The following PKHD1 variants were observed in gnomAD, a reference collection of about 807,000 sequenced individuals.
The protein encoded by PKHD1 is PKHD1 ciliary IPT domain containing fibrocystin/polyductin, also known as fibrocystin.
In PKHD1, 291 loss-of-function variants were observed where a neutral mutation model predicts 412.0. The observed-to-expected ratio is 0.71, with a 90% CI of 0.64 to 0.78. The LOEUF is 0.78. PKHD1 is among the 30% of genes least tolerant of loss of function. The pLI, the probability that PKHD1 is intolerant of heterozygous loss-of-function variation, is 0.00. For missense variants in PKHD1, 4,825 were observed against 4,950.7 expected (o/e 0.97, Z 0.76); for synonymous variants, 1,777 against 1,821.5 (o/e 0.98, Z 0.62).
intron 60 of PKHD1, among the ~76,000 whole-genome samples, chr6:51,717,520 T>C (rs549197815): frequency 1.3e-5 from 2 of 152,188 alleles, no homozygotes; most frequent in African/African-American, 4.8e-5. Context: ...TAAACAAATA[T>C]CATTGTGTTA....
At chr6:51,654,554 G>A (rs73738148) in intron 61 of PKHD1, among the ~76,000 whole-genome samples, 543 of 151,876 alleles carry the variant, frequency 3.6e-3, no homozygotes, top group African/African-American at 0.012. Flanking sequence ...AGTTAGTGTC[G>A]TCTGATTTTG....
intron 60 of PKHD1, among the ~76,000 whole-genome samples, chr6:51,738,031 C>T (rs563047323): frequency 1.5e-4 from 23 of 152,288 alleles, no homozygotes; most frequent in Admixed American, 1.2e-3. Context: ...ACTCAACAGA[C>T]ATAAAATTAC....
chr6:51,902,832 G>A (rs893927812), intron 43 of PKHD1, among the ~76,000 whole-genome samples: 2 of 152,128 alleles, frequency 1.3e-5, no homozygotes, highest in East Asian at 1.9e-4. Flanking sequence ...TGTGCCAAGG[G>A]AAACCAATGT....
At chr6:51,719,275 C>G (rs985094542) in intron 60 of PKHD1, among the ~76,000 whole-genome samples, 2 of 151,986 alleles carry the variant, frequency 1.3e-5, no homozygotes, top group Non-Finnish European at 2.9e-5. Flanking sequence ...GTGGCACAAT[C>G]ACGGCTCACT....
At chr6:51,682,164 C>G (rs1776763123) in intron 60 of PKHD1, 1 of 450,196 alleles carries the variant, frequency 2.2e-6, no homozygotes, top group Admixed American at 2.4e-5. Context: ...GCATCTTTTC[C>G]TCCGAACATA....
chr6:52,042,638 A>G (rs1805093139), intron 27 of PKHD1, among the ~76,000 whole-genome samples: 1 of 152,202 alleles, frequency 6.6e-6, no homozygotes, highest in Non-Finnish European at 1.5e-5. Flanking sequence ...GTAGGACCCA[A>G]TTATGCCTGA....
At chr6:51,650,729 TCC>T (rs1770811478) in intron 61 of PKHD1, among the ~76,000 whole-genome samples, 1 of 152,112 alleles carries the variant, frequency 6.6e-6, no homozygotes, top group African/African-American at 2.4e-5. Context: ...AAACATGTGG[TCC>T]TAAGAAGCTC....
chr6:52,034,761 A>G lies in PKHD1; in HGVS notation c.3228+830T>C, dbSNP rs186335562. Among the ~76,000 whole-genome samples the G allele has an allele frequency of 2.3e-4, 35 of 152,360 alleles. No homozygotes were observed. The East Asian group carries it at 6.7e-3, about 29-fold the overall frequency. On this transcript the variant is annotated intron_variant, in intron 28 of 66. Coordinates refer to ENST00000371117, the MANE Select transcript of PKHD1 (RefSeq NM_138694.4). Reference sequence around the variant, plus strand: ...TTATCTAAGTGTCTGGTAATAAGGAATAGTTAAACAAATTAGAGTACAACC... The same window carrying G: ...TTATCTAAGTGTCTGGTAATAAGGAGTAGTTAAACAAATTAGAGTACAACC...
At chr6:51,852,383 T>C (rs1313250274) in intron 49 of PKHD1, among the ~76,000 whole-genome samples, 1 of 152,162 alleles carries the variant, frequency 6.6e-6, no homozygotes, top group East Asian at 1.9e-4. Context: ...TTCTGTTGAT[T>C]TGGGATAGAG....
Position 51,659,295 on chromosome 6 carries a change from T to C in PKHD1, c.10831A>G (p.Ile3611Val). ...MPGHEETLKA[I>V]ADSRAKRKRN... ...TTTCTTTTTGCTCTACTGTCAGCAA[T>C]GGCCTTTAAGGTCTCTTCATGGCCA... Residue 3611 changes from isoleucine (I) to valine (V), a missense_variant, in exon 61 of 67, where the codon ATT becomes GTT. Coordinates refer to ENST00000371117, the MANE Select transcript of PKHD1 (RefSeq NM_138694.4). 6.2e-7 allele frequency: 1 copy of C among 1,613,884 alleles called. No homozygotes were observed.
intron 36 of PKHD1, among the ~76,000 whole-genome samples, chr6:51,956,588 T>A (rs1791181916): frequency 6.6e-6 from 1 of 152,022 alleles, no homozygotes; most frequent in Admixed American, 6.6e-5. Flanking sequence ...GGAGACAGAC[T>A]ATAAACAAGC....
At chr6:51,896,417 A>G (rs1471473653) in intron 43 of PKHD1, among the ~76,000 whole-genome samples, 1 of 152,192 alleles carries the variant, frequency 6.6e-6, no homozygotes. Context: ...GACACCTCAC[A>G]CGGCAGGGTA....
At chr6:51,748,702 T>C (rs1785588236) in intron 57 of PKHD1, 37 bp from the exon 58 acceptor site, 3 of 1,600,524 alleles carry the variant, frequency 1.9e-6, no homozygotes, top group South Asian at 1.1e-5. Flanking sequence ...ACTTTCCTCT[T>C]CCCCACAAAA....
rs538674336 is a variant in PKHD1 at position 51,898,822 on chromosome 6, G to A, written c.6996+4775C>T. ...GAATCAAATAGACGCAATAAAAAATGATAAAGGGGATATCACCACCGATCC... is the reference window on the plus strand; with the variant it reads ...GAATCAAATAGACGCAATAAAAAATAATAAAGGGGATATCACCACCGATCC... On this transcript the variant is annotated intron_variant, in intron 43 of 66. Transcript: ENST00000371117. Among the ~76,000 whole-genome samples the A allele has an allele frequency of 2.8e-3, 429 of 151,244 alleles. 2 individuals carry two copies. The highest frequency in any genetic ancestry group is 7.7e-3 in the South Asian group (36 of 4,696).
chr6:51,941,839 T>A (rs1225315502), intron 36 of PKHD1, among the ~76,000 whole-genome samples: 1 of 151,538 alleles, frequency 6.6e-6, no homozygotes, highest in Non-Finnish European at 1.5e-5. Flanking sequence ...CTGACACCCA[T>A]CAGGCTCAGC....
intron 36 of PKHD1, among the ~76,000 whole-genome samples, chr6:51,944,593 C>T (rs1156682296): frequency 1.3e-5 from 2 of 152,170 alleles, no homozygotes; most frequent in East Asian, 3.9e-4. Context: ...ATGATTTCAT[C>T]CCCAACAAAT....
intron 36 of PKHD1, among the ~76,000 whole-genome samples, chr6:51,957,083 C>T (rs1235395546): frequency 6.6e-6 from 1 of 152,062 alleles, no homozygotes; most frequent in Non-Finnish European, 1.5e-5. Flanking sequence ...TTTCCTGTCA[C>T]AAAAAGTTAT....
At chr6:51,814,622 A>G (rs1258554199) in intron 52 of PKHD1, among the ~76,000 whole-genome samples, 1 of 152,100 alleles carries the variant, frequency 6.6e-6, no homozygotes, top group East Asian at 1.9e-4. Flanking sequence ...GTAAATCCCC[A>G]GAGAGCTCTA....
chr6:51,768,234 A>C lies in PKHD1; in HGVS notation c.8642+4468T>G, dbSNP rs374802159. The stretch of plus-strand genomic sequence containing the variant: ...GATATTAGCCCTTTGTCAGATGAGT[A>C]ATGTTTGGCTATTTTCAAGTGTTTA... On this transcript the variant is annotated intron_variant, in intron 55 of 66. Coordinates refer to ENST00000371117, the MANE Select transcript of PKHD1 (RefSeq NM_138694.4). 3.3e-5 allele frequency among the ~76,000 whole-genome samples: 5 copies of C among 151,966 alleles called. No individual in the cohort carries two copies. The South Asian group carries it at 6.2e-4, about 19-fold the overall frequency.
Sources: gnomAD v4.1 joint callset for allele counts (sites outside exome capture counted in the v4.1 genomes callset) on GRCh38, gnomAD v4.1.1 for gene constraint, MANE v1.5 for transcripts, NCBI Gene and HGNC (gene_info 2026-07-23, HGNC 2026-07-21) for gene names.